Variants in PRR12 observed in about 807,000 individuals in gnomAD.
PRR12 encodes proline-rich protein 12.
A neutral mutation model predicts 138.0 loss-of-function variants in PRR12; 12 were observed. The ratio of observed to expected loss-of-function variants is 0.09; its 90% confidence interval spans 0.06 to 0.14. PRR12 has a LOEUF of 0.14. Ranked by LOEUF, PRR12 falls within the 10% of genes least tolerant of loss-of-function variation. The pLI, the probability that PRR12 is intolerant of heterozygous loss-of-function variation, is 1.00. For synonymous variants in PRR12, 1,567 were observed against 1,291.7 expected, an observed-to-expected ratio of 1.21 and a Z score of -4.57; for missense variants, 2,692 against 2,861.3, an observed-to-expected ratio of 0.94 and a Z score of 1.35.
Position 49,596,908 on chromosome 19 carries a change from G to T in PRR12, c.2573G>T (p.Gly858Val), listed in dbSNP as rs769901225. The T allele has an allele frequency of 1.3e-6, 2 of 1,554,706 alleles. No individual in the cohort carries two copies. Among genetic ancestry groups the T allele is most frequent in the South Asian group, 2.3e-5 (2 of 85,498 alleles). The change falls in exon 4 of 14, where the codon GGC becomes GTC. Residue 858 changes from glycine (G) to valine (V), a missense_variant. Gly to Val is a moderately radical substitution (Grantham distance 109). Coordinates refer to ENST00000418929, the MANE Select transcript of PRR12 (RefSeq NM_020719.3). This position sits in a 1 kb window ranked among gnomAD's most constrained non-coding sequence, Gnocchi z 5.6. The part of the protein sequence containing the change: ...LQLEAHLRSH[G>V]LEPAAPSPRL... ...CTCGAGGCCCACCTCCGCAGCCATG[G>T]CCTGGAGCCCGCGGCCCCCAGCCCC...
chr19:49,621,680 T>C (rs1057052348), intron 11 of PRR12, 58 bp downstream of exon 11: 2 of 1,385,818 alleles, frequency 1.4e-6, no homozygotes, highest in Non-Finnish European at 2.0e-6. Flanking sequence ...GGAGAAGACA[T>C]GTACGTGTCG....
rs1410616236 is a variant in PRR12 at position 49,595,337 on chromosome 19, G to T, written c.1002G>T (p.Leu334=). ...GHRANLACSP[L]GGGEPSPGAG... ...GGGCCAACCTGGCCTGCAGCCCCCT[G>T]GGTGGTGGGGAGCCCTCCCCGGGTG... is the stretch of plus-strand genomic sequence containing the variant. The change falls in exon 4 of 14, where the codon CTG becomes CTT. Residue 334 remains leucine (L), a synonymous_variant. Transcript: ENST00000418929. 3 of 1,543,362 alleles carry T rather than the reference G, an allele frequency of 1.9e-6. No homozygotes were observed. Among genetic ancestry groups the T allele is most frequent in the South Asian group, 1.2e-5 (1 of 83,552 alleles).
At chr19:49,604,483 G>A (rs1388265990) in intron 6 of PRR12, among the ~76,000 whole-genome samples, 1 of 151,908 alleles carries the variant, frequency 6.6e-6, no homozygotes, top group South Asian at 2.1e-4. Flanking sequence ...TTCAAGACCA[G>A]CCTGGCCAAC....
Position 49,595,324 on chromosome 19 carries a change from C to T in PRR12, c.989C>T (p.Ala330Val), listed in dbSNP as rs1167439090. The T allele has an allele frequency of 7.8e-6, 12 of 1,544,464 alleles. No individual in the cohort carries two copies. Among genetic ancestry groups the T allele is most frequent in the Middle Eastern group, 2.2e-4 (1 of 4,560 alleles). Residue 330 changes from alanine to valine, a missense_variant, in exon 4 of 14, where the codon GCC becomes GTC. By Grantham distance (64) the Ala-to-Val change is moderately conservative (BLOSUM62 0). Transcript: ENST00000418929. Reference sequence around the variant, plus strand: ...TCCATGGGCCACCGGGCCAACCTGGCCTGCAGCCCCCTGGGTGGTGGGGAG... The same window carrying T: ...TCCATGGGCCACCGGGCCAACCTGGTCTGCAGCCCCCTGGGTGGTGGGGAG... ...YPSMGHRANL[A>V]CSPLGGGEPS...
Position 49,591,623 on chromosome 19 carries a change from C to T in PRR12, c.-32C>T. 1 of 787,906 alleles carries T rather than the reference C, an allele frequency of 1.3e-6. No homozygotes were observed. Among genetic ancestry groups the T allele is most frequent in the Non-Finnish European group, 1.9e-6 (1 of 522,398 alleles). 48.8% of individuals were successfully genotyped at this position (787,906 alleles called of 1,614,324 possible). ...CGCCCCCTCCCTCCCTCCCTCCCTC[C>T]CCCTCCCCCCAATTTCCACCGCGGC... is the stretch of plus-strand genomic sequence containing the variant. On this transcript the variant is annotated 5_prime_UTR_variant, in exon 1 of 14. Coordinates refer to ENST00000418929, the MANE Select transcript of PRR12 (RefSeq NM_020719.3).
rs987176022 is a variant in PRR12, at chr19:49,597,046, C to T, written c.2711C>T (p.Ser904Leu). Residue 904 changes from serine (S) to leucine (L), a missense_variant, in exon 4 of 14, where the codon TCG (serine) becomes TTG (leucine). Physicochemically the swap from Ser to Leu is moderately radical, Grantham distance 145. Transcript: ENST00000418929. This position sits in a 1 kb window ranked among gnomAD's most constrained non-coding sequence, Gnocchi z 6.3. ...GATACTGGCGTAGGCCCACCAAACT[C>T]GGAGGGCAAGGATCCCGCAGGCGCC... ...PGDTGVGPPNSEGKDPAGAYR... is the reference protein window; with the variant it reads ...PGDTGVGPPNLEGKDPAGAYR... 12 of 1,554,848 alleles carry T rather than the reference C, an allele frequency of 7.7e-6. No homozygotes were observed. In the East Asian group the frequency reaches 2.4e-4, roughly 31 times the overall value.
chr19:49,622,965 A>G (rs2080933500), intron 11 of PRR12, among the ~76,000 whole-genome samples: 1 of 148,310 alleles, frequency 6.7e-6, no homozygotes, highest in Admixed American at 6.7e-5. Flanking sequence ...AGAAAGAGAG[A>G]GAGAGAGAGA....
Position 49,614,622 on chromosome 19 carries a change from C to A in PRR12, c.4863C>A (p.Gly1621=). Residue 1621 remains glycine, a synonymous_variant, in exon 7 of 14, where the codon GGC becomes GGA. Transcript: ENST00000418929. This position sits in a 1 kb window ranked among gnomAD's most constrained non-coding sequence, Gnocchi z 5.0. ...AATTCACTCCGGAGATCAAGGACGG[C>A]CAGAGGCAGTTTTGTGCCACCAGTA... The part of the protein sequence containing the change: ...LQKFTPEIKD[G]QRQFCATSNY... 6.4e-7 allele frequency: 1 copy of A among 1,563,098 alleles called. No homozygotes were observed. The highest frequency in any genetic ancestry group is 8.7e-7 in the Non-Finnish European group (1 of 1,153,808).
In PRR12 at chr19:49,601,348, C is replaced by G. The variant is rs925069265; in HGVS notation, c.4346-143C>G. On this transcript the variant is annotated intron_variant, in intron 5 of 13. Transcript: ENST00000418929. ...GAGCCAGAGTAGGTCTCTGGAGAGA[C>G]TCTGATAGGGTAGAAGGGACACTGG... The G allele has an allele frequency of 8.2e-6, 5 of 610,500 alleles. No individual in the cohort carries two copies. The South Asian group carries it at 1.0e-4, about 12-fold the overall frequency. 37.8% of individuals were successfully genotyped at this position (610,500 alleles called of 1,614,324 possible).
chr19:49,610,482 G>A (rs1380407895), intron 6 of PRR12, among the ~76,000 whole-genome samples: 1 of 152,128 alleles, frequency 6.6e-6, no homozygotes, highest in Non-Finnish European at 1.5e-5. Context: ...AACACATTGC[G>A]GCCTGAGGTG....
chr19:49,596,938 T>C lies in PRR12; in HGVS notation c.2603T>C (p.Leu868Pro). The change falls in exon 4 of 14, where the codon CTG (leucine) becomes CCG (proline). Residue 868 changes from leucine to proline, a missense_variant. Physicochemically the swap from Leu to Pro is moderately conservative, Grantham distance 98 (BLOSUM62 -3). Transcript: ENST00000418929. This position sits in a 1 kb window ranked among gnomAD's most constrained non-coding sequence, Gnocchi z 5.6. ...GAGCCCGCGGCCCCCAGCCCCCGCC[T>C]GCGACCCGAGGAGAGCCTGGATCCG... ...GLEPAAPSPR[L>P]RPEESLDPPG... The C allele has an allele frequency of 2.0e-6, 3 of 1,489,930 alleles. No individual in the cohort carries two copies. The highest frequency in any genetic ancestry group is 2.7e-6 in the Non-Finnish European group (3 of 1,115,998). The allele number at this position is 1,489,930 out of a possible 1,614,324, so 92.3% of individuals were successfully genotyped here. A position where few individuals can be genotyped will look rare whatever the true frequency, so the allele number is the denominator to read the frequency against.
chr19:49,624,745 A>C, intron 11 of PRR12, 99 bp from the exon 12 acceptor site: 3 of 1,507,228 alleles, frequency 2.0e-6, no homozygotes, highest in Non-Finnish European at 2.7e-6. Flanking sequence ...CCTGATCTGC[A>C]GCCTGGGGGA....
Position 49,594,360 on chromosome 19 carries a change from C to G in PRR12, c.200-94C>G. On this transcript the variant is annotated intron_variant, in intron 2 of 13. Transcript: ENST00000418929. The surrounding 1 kb of genome is among the most constrained non-coding windows in gnomAD (Gnocchi z 5.6). ...CTTTTCTCTCCCATCCCCTCCTTTT[C>G]CTGATCCAACTTGCTTTTGGCCTCT... 7.7e-7 allele frequency: 1 copy of G among 1,297,410 alleles called. No individual in the cohort carries two copies. The highest frequency in any genetic ancestry group is 1.1e-6 in the Non-Finnish European group (1 of 946,612). The allele number at this position is 1,297,410 out of a possible 1,614,324, so 80.4% of individuals were successfully genotyped here.
Position 49,595,046 on chromosome 19 carries a change from T to G in PRR12, c.711T>G (p.Pro237=). ...YRPGPPDPPP[P]PRHLPTQFNL... ...CTGGCCCCCCAGACCCACCACCACC[T>G]CCTCGCCACCTCCCAACTCAGTTCA... Residue 237 remains proline (P), a synonymous_variant, in exon 4 of 14, where the codon CCT becomes CCG. Transcript: ENST00000418929. 1 of 1,524,708 alleles carries G rather than the reference T, an allele frequency of 6.6e-7. No homozygotes were observed. The highest frequency in any genetic ancestry group is 8.8e-7 in the Non-Finnish European group (1 of 1,133,352). 94.4% of individuals were successfully genotyped at this position (1,524,708 alleles called of 1,614,324 possible). A position where few individuals can be genotyped will look rare whatever the true frequency, so the allele number is the denominator to read the frequency against.
Position 49,596,159 on chromosome 19 carries a change from T to C in PRR12, c.1824T>C (p.Tyr608=). The part of the protein sequence containing the change: ...PFLAPPGAGS[Y]AAGAGGYKGK... Reference sequence around the variant, plus strand: ...TGGCACCTCCGGGAGCTGGCAGCTATGCAGCCGGAGCAGGTGGCTACAAGG... The same window carrying C: ...TGGCACCTCCGGGAGCTGGCAGCTACGCAGCCGGAGCAGGTGGCTACAAGG... Residue 608 remains tyrosine (Y), a synonymous_variant, in exon 4 of 14, where the codon TAT becomes TAC. Coordinates refer to ENST00000418929, the MANE Select transcript of PRR12 (RefSeq NM_020719.3). The surrounding 1 kb of genome is among the most constrained non-coding windows in gnomAD (Gnocchi z 5.6). The C allele has an allele frequency of 6.2e-7, 1 of 1,608,338 alleles. No individual in the cohort carries two copies. The highest frequency in any genetic ancestry group is 1.1e-5 in the South Asian group (1 of 91,084).
At chr19:49,601,306 C>T (rs1439439458) in intron 5 of PRR12, among the ~76,000 whole-genome samples, 185 bp from the exon 6 acceptor site, 1 of 145,254 alleles carries the variant, frequency 6.9e-6, no homozygotes, top group Admixed American at 6.7e-5. Context: ...GGAGACAGGT[C>T]TCCTTTGCAG....
rs762833090 is a variant in PRR12 at position 49,596,695 on chromosome 19, G to A, written c.2360G>A (p.Gly787Asp). ...CATGGCCTCCTTCTGGAGGCCGGGG[G>A]CCCTGACCTCCCACTGGTGCTGCCT... is the stretch of plus-strand genomic sequence containing the variant. The part of the protein sequence containing the change: ...TPHGLLLEAG[G>D]PDLPLVLPPP... Residue 787 changes from glycine (G) to aspartate (D), a missense_variant, in exon 4 of 14, where the codon GGC becomes GAC. Physicochemically the swap from Gly to Asp is moderately conservative, Grantham distance 94. This residue lies in a region of PRR12 where 840 missense variants were observed against 689.8 expected (regional missense o/e 1.22). Coordinates refer to ENST00000418929, the MANE Select transcript of PRR12 (RefSeq NM_020719.3). The surrounding 1 kb of genome is among the most constrained non-coding windows in gnomAD (Gnocchi z 5.6). 3 of 1,606,238 alleles carry A rather than the reference G, an allele frequency of 1.9e-6. No individual in the cohort carries two copies. The highest frequency in any genetic ancestry group is 2.0e-4 in the Middle Eastern group (1 of 5,012).
In PRR12 at chr19:49,601,609, G is replaced by A. The variant is rs896009830; in HGVS notation, c.4464G>A (p.Leu1488=). The change falls in exon 6 of 14, where the codon CTG becomes CTA. Residue 1488 remains leucine, a synonymous_variant. Coordinates refer to ENST00000418929, the MANE Select transcript of PRR12 (RefSeq NM_020719.3). ...PQPALPSPPP[L]VAPTPSSPPP... ...CAGCCCTGCCCTCGCCACCCCCGCT[G>A]GTGGCCCCCACGCCCAGCTCACCAC... The A allele has an allele frequency of 1.3e-6, 2 of 1,540,190 alleles. No individual in the cohort carries two copies. The highest frequency in any genetic ancestry group is 2.8e-5 in the African/African-American group (2 of 71,742).
intron 4 of PRR12, among the ~76,000 whole-genome samples, chr19:49,598,281 A>T (rs2080789275): frequency 6.6e-6 from 1 of 151,582 alleles, no homozygotes; most frequent in South Asian, 2.1e-4. Flanking sequence ...TCACCGTATT[A>T]GTCAGGATGG....
Sources: allele counts gnomAD v4.1 joint callset (sites outside exome capture counted in the v4.1 genomes callset), GRCh38; gene constraint gnomAD v4.1.1; regional missense constraint gnomAD v4.1.1; non-coding constraint Gnocchi (gnomAD v3.1); transcripts MANE v1.5; gene names NCBI Gene and HGNC (gene_info 2026-07-23, HGNC 2026-07-21).